EXOC6: variants seen among roughly 807,000 people sequenced by gnomAD.
EXOC6 encodes the protein SEC15-like 1.
A neutral mutation model predicts 112.5 loss-of-function variants in EXOC6; 60 were observed. The observed-to-expected ratio is 0.53, with a 90% CI of 0.43 to 0.66. The LOEUF (loss-of-function observed/expected upper bound fraction) is 0.66, where lower values mean the gene tolerates loss of function less well. EXOC6 is among the 30% of genes least tolerant of loss of function. EXOC6 has a pLI of 0.00. For synonymous variants in EXOC6, 295 were observed against 308.0 expected (o/e 0.96, Z 0.44); for missense variants, 855 against 957.1 (o/e 0.89, Z 1.41).
At chr10:92,912,477 C>T (rs890362278) in intron 6 of EXOC6, among the ~76,000 whole-genome samples, 3 of 151,818 alleles carry the variant, frequency 2.0e-5, no homozygotes, top group Admixed American at 6.6e-5. Context: ...TTAGTGAGGG[C>T]GGGGTAGGTT....
intron 5 of EXOC6, among the ~76,000 whole-genome samples, chr10:92,902,992 A>C (rs1850257923): frequency 6.6e-6 from 1 of 152,168 alleles, no homozygotes; most frequent in Non-Finnish European, 1.5e-5. Flanking sequence ...TAAGACTGCC[A>C]TGAAATTAAG....
At chr10:92,894,300 T>A (rs530784084) in intron 2 of EXOC6, among the ~76,000 whole-genome samples, 26 of 152,178 alleles carry the variant, frequency 1.7e-4, no homozygotes, top group Non-Finnish European at 2.6e-4. Context: ...AAATTTGAGG[T>A]TGAGCTTTGC....
intron 1 of EXOC6, among the ~76,000 whole-genome samples, chr10:92,875,238 C>G (rs1848633051): frequency 6.6e-6 from 1 of 152,120 alleles, no homozygotes; most frequent in Non-Finnish European, 1.5e-5. Flanking sequence ...TCTTTCCTGT[C>G]TGTCTTTACC....
upstream of EXOC6, chr10:92,831,451 C>A: frequency 1.4e-6 from 1 of 703,434 alleles, no homozygotes; most frequent in Non-Finnish European, 2.0e-6. Context: ...TTTTATTTTT[C>A]GAGTTGGAGT....
Position 92,863,999 on chromosome 10 carries a change from A to G in EXOC6, c.101+15365A>G, listed in dbSNP as rs1196255887. ...CTCGGCATGGTGGTGCTGGTTATCT[A>G]TTTAGTTAACATGAAAATGAATCAT... On this transcript the variant is annotated intron_variant, in intron 1 of 21. Coordinates refer to ENST00000260762, the MANE Select transcript of EXOC6 (RefSeq NM_019053.6). Among the ~76,000 whole-genome samples the G allele has an allele frequency of 3.3e-5, 5 of 151,994 alleles. No individual in the cohort carries two copies. In the East Asian group the frequency reaches 5.8e-4, roughly 18 times the overall value.
chr10:92,931,857 C>T (rs539066918), intron 9 of EXOC6, among the ~76,000 whole-genome samples: 2 of 151,964 alleles, frequency 1.3e-5, no homozygotes, highest in African/African-American at 2.4e-5. Flanking sequence ...AATTATACTG[C>T]CACTTTGGAA....
chr10:92,897,887 C>T (rs1179875781), intron 4 of EXOC6, among the ~76,000 whole-genome samples: 2 of 152,102 alleles, frequency 1.3e-5, no homozygotes, highest in South Asian at 2.1e-4. Flanking sequence ...TGTCTCATGT[C>T]TCTCTAAAAT....
At chr10:92,977,692 C>T (rs1842683523) in intron 18 of EXOC6, among the ~76,000 whole-genome samples, 1 of 150,880 alleles carries the variant, frequency 6.6e-6, no homozygotes. Context: ...CACACACACA[C>T]ATACACACAC....
At chr10:92,827,523 A>G (rs543070145) in intron 1 of EXOC6, among the ~76,000 whole-genome samples, 2 of 141,834 alleles carry the variant, frequency 1.4e-5, no homozygotes, top group South Asian at 4.8e-4. Flanking sequence ...TGTTGAGTAT[A>G]ATGGAGAGGA....
chr10:92,999,734 C>T (rs1401296417), intron 19 of EXOC6, among the ~76,000 whole-genome samples: 1 of 144,858 alleles, frequency 6.9e-6, no homozygotes, highest in Non-Finnish European at 1.5e-5. Flanking sequence ...GGCAGGGTCT[C>T]GCTGTGTCTC....
chr10:93,049,732 A>G (rs573320681), intron 20 of EXOC6, among the ~76,000 whole-genome samples: 1 of 152,256 alleles, frequency 6.6e-6, no homozygotes, highest in East Asian at 1.9e-4. Flanking sequence ...GGTGTGCACC[A>G]CCACAGCCAG....
intron 6 of EXOC6, among the ~76,000 whole-genome samples, chr10:92,911,654 C>T (rs186571264): frequency 2.6e-5 from 4 of 152,130 alleles, no homozygotes; most frequent in Admixed American, 2.6e-4. Context: ...ATTTTTTCCT[C>T]ATAAAAGTTA....
chr10:92,922,641 A>T (rs1473529086), intron 8 of EXOC6, among the ~76,000 whole-genome samples: 3 of 152,170 alleles, frequency 2.0e-5, no homozygotes, highest in African/African-American at 7.2e-5. Context: ...AAAAAAAGGG[A>T]TTCTCTTTGG....
chr10:92,981,673 G>C (rs1002514938), intron 18 of EXOC6, among the ~76,000 whole-genome samples: 1 of 152,172 alleles, frequency 6.6e-6, no homozygotes, highest in South Asian at 2.1e-4. Flanking sequence ...CTACTCTGGG[G>C]ATATTAAATT....
intron 1 of EXOC6, among the ~76,000 whole-genome samples, chr10:92,873,053 A>T (rs1848524683): frequency 6.6e-6 from 1 of 152,302 alleles, no homozygotes; most frequent in South Asian, 2.1e-4. Context: ...AACTTTTTGA[A>T]TTAAAATTTA....
chr10:92,935,037 A>G (rs903821854), intron 11 of EXOC6, among the ~76,000 whole-genome samples: 4 of 151,982 alleles, frequency 2.6e-5, no homozygotes, highest in Non-Finnish European at 5.9e-5. Context: ...CTTTATTAAT[A>G]TATTTCATAC....
chr10:92,874,732 A>C (rs1166478562), intron 1 of EXOC6, among the ~76,000 whole-genome samples: 2 of 152,340 alleles, frequency 1.3e-5, no homozygotes, highest in South Asian at 4.1e-4. Flanking sequence ...AGGGCAGCCA[A>C]ACTTTTTGAA....
At chr10:92,831,384 A>G, upstream of EXOC6, 1 of 1,247,846 alleles carries the variant, frequency 8.0e-7, no homozygotes, top group Non-Finnish European at 1.1e-6. Flanking sequence ...GTGGTTTGTT[A>G]ATTAAACTAC....
chr10:93,046,653 A>G (rs1162245322), intron 20 of EXOC6, among the ~76,000 whole-genome samples: 2 of 151,416 alleles, frequency 1.3e-5, no homozygotes, highest in African/African-American at 4.9e-5. Context: ...GTTGGAGTGC[A>G]ATGGCATGAT....
Sources: gnomAD v4.1 joint callset for allele counts (sites outside exome capture counted in the v4.1 genomes callset) on GRCh38, gnomAD v4.1.1 for gene constraint, MANE v1.5 for transcripts, NCBI Gene and HGNC (gene_info 2026-07-23, HGNC 2026-07-21) for gene names.